PRTFDC1: variants seen among roughly 807,000 people sequenced by gnomAD.
PRTFDC1 encodes phosphoribosyltransferase domain-containing protein 1.
A neutral mutation model predicts 34.6 loss-of-function variants in PRTFDC1; 38 were observed. The observed-to-expected ratio is 1.10, with a 90% CI of 0.85 to 1.44. PRTFDC1 has a LOEUF of 1.44. PRTFDC1 is among the 40% of genes most tolerant of loss of function. The probability of loss-of-function intolerance (pLI) is 0.00; values close to 1 mark genes in which losing one functional copy is unlikely to be tolerated. For synonymous variants in PRTFDC1, 93 were observed against 98.1 expected, an observed-to-expected ratio of 0.95 and a Z score of 0.31; for missense variants, 270 against 283.0, an observed-to-expected ratio of 0.95 and a Z score of 0.33.
chr10:24,914,124 A>G (rs1848662826), intron 3 of PRTFDC1, among the ~76,000 whole-genome samples: 2 of 152,230 alleles, frequency 1.3e-5, no homozygotes, highest in Admixed American at 1.3e-4. Context: ...AATAAATAAT[A>G]AATCATAGAA....
At chr10:24,912,485 T>G (rs1848641616) in intron 3 of PRTFDC1, among the ~76,000 whole-genome samples, 1 of 151,922 alleles carries the variant, frequency 6.6e-6, no homozygotes, top group Non-Finnish European at 1.5e-5. Context: ...ATTTCCCTGA[T>G]GACTAATGAT....
chr10:24,863,407 C>T (rs2152433), intron 4 of PRTFDC1, among the ~76,000 whole-genome samples: 22,873 of 152,070 alleles, frequency 0.15, 2,142 homozygotes, highest in East Asian at 0.27. Flanking sequence ...AGACCTACTG[C>T]GCAGAAAACA....
At chr10:24,932,775 CT>C (rs1269370719) in intron 3 of PRTFDC1, among the ~76,000 whole-genome samples, 2 of 151,942 alleles carry the variant, frequency 1.3e-5, no homozygotes, top group African/African-American at 4.8e-5. Flanking sequence ...TAGAAATCAG[CT>C]ACATGATATT....
intron 3 of PRTFDC1, among the ~76,000 whole-genome samples, chr10:24,903,327 C>G (rs1003607475): frequency 6.6e-6 from 1 of 152,172 alleles, no homozygotes; most frequent in Non-Finnish European, 1.5e-5. Flanking sequence ...AAAGTGAAGA[C>G]TAATAAAGCC....
chr10:24,855,456 TAC>T, intron 6 of PRTFDC1, 92 bp from the exon 7 acceptor site: 1 of 1,496,654 alleles, frequency 6.7e-7, no homozygotes, highest in Non-Finnish European at 9.3e-7. Context: ...GTACTTGAAA[TAC>T]ATATTTTGCT....
intron 3 of PRTFDC1, among the ~76,000 whole-genome samples, chr10:24,920,299 GTA>G (rs113629417): frequency 6.6e-6 from 1 of 150,414 alleles, no homozygotes; most frequent in East Asian, 2.0e-4. Flanking sequence ...GAGTGTGTGT[GTA>G]TATATATATG....
chr10:24,910,372 C>T (rs1848608430), intron 3 of PRTFDC1, among the ~76,000 whole-genome samples: 1 of 152,168 alleles, frequency 6.6e-6, no homozygotes, highest in Non-Finnish European at 1.5e-5. Context: ...ACAAGTAAGT[C>T]ATCTAACAAC....
At chr10:24,947,855 C>T (rs1849275302) in intron 1 of PRTFDC1, among the ~76,000 whole-genome samples, 1 of 152,006 alleles carries the variant, frequency 6.6e-6, no homozygotes, top group Non-Finnish European at 1.5e-5. Flanking sequence ...GGATTCCTGT[C>T]CTAGCCCTAG....
intron 5 of PRTFDC1, among the ~76,000 whole-genome samples, chr10:24,857,937 T>C (rs1847612539): frequency 1.3e-5 from 2 of 152,156 alleles, no homozygotes; most frequent in Admixed American, 1.3e-4. Flanking sequence ...GCTTTCCCCA[T>C]AGCTCGTCAT....
chr10:24,868,733 G>A lies in PRTFDC1; in HGVS notation c.405+3265C>T, dbSNP rs561511123. 7.2e-5 allele frequency among the ~76,000 whole-genome samples: 11 copies of A among 152,048 alleles called. No homozygotes were observed. In the South Asian group the frequency reaches 2.3e-3, roughly 32 times the overall value. ...ACTGCAGATATTTATTGCAGTTTCA[G>A]ACTTTCTTCTACACCCATTAAAACA... On this transcript the variant is annotated intron_variant, in intron 4 of 8. Coordinates refer to ENST00000320152, the MANE Select transcript of PRTFDC1 (RefSeq NM_020200.7).
At chr10:24,942,264 T>A in intron 2 of PRTFDC1, 66 bp downstream of exon 2, 1 of 1,299,778 alleles carries the variant, frequency 7.7e-7, no homozygotes, top group East Asian at 2.3e-5. Context: ...AAGTATATTG[T>A]GGGATTCACA....
intron 7 of PRTFDC1, among the ~76,000 whole-genome samples, chr10:24,853,195 A>G (rs1422774287): frequency 6.6e-6 from 1 of 152,144 alleles, no homozygotes; most frequent in African/African-American, 2.4e-5. Flanking sequence ...GAGCTAGCTA[A>G]AAGAATATGA....
intron 3 of PRTFDC1, among the ~76,000 whole-genome samples, chr10:24,911,342 C>A (rs1054172859): frequency 6.6e-6 from 1 of 152,198 alleles, no homozygotes; most frequent in African/African-American, 2.4e-5. Flanking sequence ...AGCATATATC[C>A]TTTCAAGTGT....
intron 3 of PRTFDC1, among the ~76,000 whole-genome samples, chr10:24,919,352 T>G (rs984543348): frequency 6.6e-6 from 1 of 152,290 alleles, no homozygotes; most frequent in East Asian, 1.9e-4. Flanking sequence ...ATCTGATCTT[T>G]GACAAACCAG....
intron 1 of PRTFDC1, among the ~76,000 whole-genome samples, chr10:24,945,098 A>G (rs1447381764): frequency 1.3e-5 from 2 of 152,050 alleles, no homozygotes; most frequent in East Asian, 1.9e-4. Context: ...TCTCCATTCA[A>G]TGTCACCTCT....
chr10:24,898,590 C>T (rs1848405507), intron 3 of PRTFDC1, among the ~76,000 whole-genome samples: 1 of 152,014 alleles, frequency 6.6e-6, no homozygotes. Flanking sequence ...TCCTTTTCTC[C>T]TTCTTGTCTC....
intron 3 of PRTFDC1, among the ~76,000 whole-genome samples, chr10:24,903,196 A>C (rs1465688561): frequency 6.6e-6 from 1 of 152,204 alleles, no homozygotes; most frequent in Non-Finnish European, 1.5e-5. Context: ...ACAGGAGTGA[A>C]ACTGCATCTC....
At chr10:24,871,594 C>G (rs1847868288) in intron 4 of PRTFDC1, among the ~76,000 whole-genome samples, 1 of 148,570 alleles carries the variant, frequency 6.7e-6, no homozygotes, top group African/African-American at 2.5e-5. Context: ...TTGTACTTGT[C>G]AATGAACCTG....
chr10:24,876,131 G>T (rs538021175), intron 3 of PRTFDC1, among the ~76,000 whole-genome samples: 6 of 152,152 alleles, frequency 3.9e-5, no homozygotes, highest in Admixed American at 3.9e-4. Context: ...GCAGAGGCAG[G>T]CACTTTGGGA....
Sources: gnomAD v4.1 joint callset for allele counts (sites outside exome capture counted in the v4.1 genomes callset) on GRCh38, gnomAD v4.1.1 for gene constraint, MANE v1.5 for transcripts, NCBI Gene and HGNC (gene_info 2026-07-23, HGNC 2026-07-21) for gene names.